The following SORCS3 variants were observed in gnomAD, a reference collection of about 807,000 sequenced individuals.
SORCS3 encodes the protein VPS10 domain-containing receptor SorCS3.
In SORCS3, 57 loss-of-function variants were observed where a neutral mutation model predicts 146.3. The observed-to-expected ratio is 0.39, with a 90% CI of 0.31 to 0.49. SORCS3 has a LOEUF of 0.49. Among genes scored for constraint, SORCS3 ranks in the 20% least tolerant of loss-of-function variants. SORCS3 has a pLI of 0.92. For missense variants in SORCS3, 1,341 were observed against 1,575.5 expected (o/e 0.85, Z 2.52); for synonymous variants, 653 against 618.5 (o/e 1.06, Z -0.83).
intron 2 of SORCS3, among the ~76,000 whole-genome samples, chr10:104,869,905 CA>C (rs541413206): frequency 2.6e-5 from 4 of 152,172 alleles, no homozygotes; most frequent in Non-Finnish European, 5.9e-5. Context: ...TTAGCTACTG[CA>C]AGTAATTTTC....
chr10:104,754,797 G>A (rs1456038929), intron 1 of SORCS3, among the ~76,000 whole-genome samples: 1 of 152,214 alleles, frequency 6.6e-6, no homozygotes, highest in Non-Finnish European at 1.5e-5. Context: ...CCTGACCTCT[G>A]TGCCCATATA....
intron 4 of SORCS3, among the ~76,000 whole-genome samples, chr10:105,018,293 G>A (rs1283620096): frequency 1.3e-5 from 2 of 152,224 alleles, no homozygotes; most frequent in African/African-American, 2.4e-5. Flanking sequence ...TGGAAAGAGA[G>A]CTCCTTCCTC....
At chr10:105,192,532 G>T (rs1041599651) in intron 14 of SORCS3, among the ~76,000 whole-genome samples, 1 of 152,124 alleles carries the variant, frequency 6.6e-6, no homozygotes, top group Non-Finnish European at 1.5e-5. Context: ...GGGACAGTTG[G>T]TGGTTAGAAG....
intron 7 of SORCS3, among the ~76,000 whole-genome samples, chr10:105,119,514 G>C (rs1357929082): frequency 6.6e-6 from 1 of 152,158 alleles, no homozygotes; most frequent in East Asian, 1.9e-4. Flanking sequence ...TGCACTGTGT[G>C]CCTGGAAAAG....
intron 4 of SORCS3, among the ~76,000 whole-genome samples, chr10:104,989,748 A>T (rs1394930458): frequency 6.6e-6 from 1 of 152,180 alleles, no homozygotes; most frequent in African/African-American, 2.4e-5. Flanking sequence ...GAGAGCAAGG[A>T]GTTCAAGGAT....
chr10:105,218,466 T>A (rs900404987), intron 19 of SORCS3, among the ~76,000 whole-genome samples: 4 of 152,124 alleles, frequency 2.6e-5, no homozygotes, highest in African/African-American at 9.7e-5. Flanking sequence ...TCTTACAGAG[T>A]TTCCATTCTG....
intron 24 of SORCS3, 101 bp downstream of exon 24, chr10:105,255,902 G>T: frequency 1.0e-6 from 1 of 972,644 alleles, no homozygotes; most frequent in Non-Finnish European, 1.5e-6. Flanking sequence ...ATGTCTGAAA[G>T]TGGCTTTGTA....
intron 4 of SORCS3, among the ~76,000 whole-genome samples, chr10:105,033,432 A>G (rs1353823907): frequency 6.6e-6 from 1 of 152,172 alleles, no homozygotes; most frequent in Non-Finnish European, 1.5e-5. Flanking sequence ...CCATGTGTGA[A>G]AAGAACTGTC....
chr10:105,072,879 C>G (rs1337641106), intron 5 of SORCS3, among the ~76,000 whole-genome samples: 1 of 152,022 alleles, frequency 6.6e-6, no homozygotes, highest in South Asian at 2.1e-4. Flanking sequence ...ATGGCAGGCA[C>G]GTAGTGAGTA....
chr10:104,830,054 C>T (rs952026057), intron 1 of SORCS3, among the ~76,000 whole-genome samples: 3 of 152,036 alleles, frequency 2.0e-5, no homozygotes, highest in East Asian at 1.9e-4. Flanking sequence ...CTTTGCCTAG[C>T]CCCCCAACCC....
At chr10:104,970,001 A>G (rs2054850440) in intron 3 of SORCS3, among the ~76,000 whole-genome samples, 1 of 152,198 alleles carries the variant, frequency 6.6e-6, no homozygotes. Context: ...TTCTAATTAA[A>G]ATCATGGGCA....
At chr10:104,905,781 G>C (rs576837670) in intron 2 of SORCS3, among the ~76,000 whole-genome samples, 18 of 152,302 alleles carry the variant, frequency 1.2e-4, no homozygotes, top group South Asian at 4.1e-4. Context: ...AGAGGCAGGT[G>C]AGATGAGAGG....
intron 1 of SORCS3, among the ~76,000 whole-genome samples, chr10:104,702,798 G>C (rs924487755): frequency 2.9e-4 from 44 of 152,188 alleles, no homozygotes; most frequent in African/African-American, 8.9e-4. Flanking sequence ...TGCTAGACTG[G>C]GTGACCCTGA....
chr10:105,235,119 G>A (rs2056785843), intron 20 of SORCS3, among the ~76,000 whole-genome samples: 1 of 152,046 alleles, frequency 6.6e-6, no homozygotes, highest in South Asian at 2.1e-4. Context: ...TGGGCTGTAG[G>A]TAGGTATCTA....
chr10:104,877,924 T>A (rs1186243651), intron 2 of SORCS3, among the ~76,000 whole-genome samples: 1 of 152,202 alleles, frequency 6.6e-6, no homozygotes, highest in Non-Finnish European at 1.5e-5. Flanking sequence ...AATACTTAGA[T>A]TTTGAAAATC....
At chr10:104,774,181 A>G (rs1475953101) in intron 1 of SORCS3, among the ~76,000 whole-genome samples, 1 of 152,152 alleles carries the variant, frequency 6.6e-6, no homozygotes, top group Non-Finnish European at 1.5e-5. Context: ...TGCAGTCATC[A>G]CCCCTGACTT....
intron 20 of SORCS3, among the ~76,000 whole-genome samples, chr10:105,242,908 TATATATA>T (rs1384456738): frequency 1.5e-5 from 1 of 64,716 alleles, no homozygotes; most frequent in Admixed American, 3.2e-4. Flanking sequence ...ATATAAATTA[TATATATA>T]ATATATATGA....
chr10:104,716,959 CT>C (rs1429791458), intron 1 of SORCS3, among the ~76,000 whole-genome samples: 2 of 152,138 alleles, frequency 1.3e-5, no homozygotes, highest in East Asian at 3.8e-4. Context: ...TTCTAATTGT[CT>C]TCTCCACCAA....
intron 6 of SORCS3, among the ~76,000 whole-genome samples, chr10:105,102,202 G>A (rs911048611): frequency 6.6e-6 from 1 of 152,002 alleles, no homozygotes; most frequent in Non-Finnish European, 1.5e-5. Flanking sequence ...AGAGCAGAAA[G>A]GAATATAAAT....
Sources: allele counts gnomAD v4.1 joint callset (sites outside exome capture counted in the v4.1 genomes callset), GRCh38; gene constraint gnomAD v4.1.1; transcripts MANE v1.5; gene names NCBI Gene and HGNC (gene_info 2026-07-23, HGNC 2026-07-21).